TEAD4: variants seen among roughly 807,000 people sequenced by gnomAD.
TEAD4 encodes the protein transcriptional enhancer factor TEF-3.
A neutral mutation model predicts 52.4 loss-of-function variants in TEAD4; 36 were observed. That is an observed-to-expected ratio of 0.69 (90% CI 0.53 to 0.91). TEAD4 has a LOEUF of 0.91. TEAD4 is among the 40% of genes least tolerant of loss of function. The pLI, the probability that TEAD4 is intolerant of heterozygous loss-of-function variation, is 0.00. For synonymous variants in TEAD4, 220 were observed against 231.0 expected (o/e 0.95, Z 0.43); for missense variants, 508 against 583.9 (o/e 0.87, Z 1.34).
At chr12:3,010,947 C>T in intron 3 of TEAD4, 57 bp from the exon 4 acceptor site, 1 of 1,602,188 alleles carries the variant, frequency 6.2e-7, no homozygotes, top group South Asian at 1.1e-5. Flanking sequence ...CGCACCCCCT[C>T]ACTGCTTCCA....
At chr12:2,998,988 C>A (rs2098249481) in intron 3 of TEAD4, among the ~76,000 whole-genome samples, 1 of 152,184 alleles carries the variant, frequency 6.6e-6, no homozygotes, top group Non-Finnish European at 1.5e-5. Flanking sequence ...CTTACCAGTC[C>A]CGGGGGCCGA....
chr12:3,031,549 AAGC>A (rs941389315), intron 10 of TEAD4, among the ~76,000 whole-genome samples: 3 of 152,136 alleles, frequency 2.0e-5, no homozygotes, highest in Non-Finnish European at 4.4e-5. Context: ...GGCATGGAGT[AAGC>A]AGGGCCTGGC....
chr12:2,990,805 T>C (rs921823743), intron 2 of TEAD4, among the ~76,000 whole-genome samples: 7 of 152,140 alleles, frequency 4.6e-5, no homozygotes, highest in Admixed American at 4.6e-4. Context: ...CTGTCATATT[T>C]TGTCAGTGTT....
intron 2 of TEAD4, among the ~76,000 whole-genome samples, chr12:2,991,846 T>TA (rs892334344): frequency 6.6e-6 from 1 of 151,874 alleles, no homozygotes; most frequent in African/African-American, 2.4e-5. Context: ...CTTGTTACAC[T>TA]AAAAAGGCCA....
chr12:3,021,883 C>G lies in TEAD4; in HGVS notation c.763C>G (p.Pro255Ala). 6.2e-7 allele frequency: 1 copy of G among 1,614,242 alleles called. No homozygotes were observed. Among genetic ancestry groups the G allele is most frequent in the Non-Finnish European group, 8.5e-7 (1 of 1,180,044 alleles). The change falls in exon 10 of 13, where the codon CCA becomes GCA. Residue 255 changes from proline to alanine, a missense_variant. Coordinates refer to ENST00000359864, the MANE Select transcript of TEAD4 (RefSeq NM_003213.4). The stretch of plus-strand genomic sequence containing the variant: ...GTTCGTGCACATTGGCCAGTCCAGC[C>G]CAAGCTACAGCGACCCCTACCTCGA...
intron 2 of TEAD4, among the ~76,000 whole-genome samples, chr12:2,966,613 A>G (rs918827390): frequency 2.6e-5 from 4 of 151,588 alleles, no homozygotes; most frequent in African/African-American, 4.9e-5. Flanking sequence ...GGGTTTCACC[A>G]TATTGGTCAG....
At chr12:2,983,666 A>G (rs938552372) in intron 2 of TEAD4, among the ~76,000 whole-genome samples, 3 of 152,318 alleles carry the variant, frequency 2.0e-5, no homozygotes. Flanking sequence ...ATTTATGCAC[A>G]ATTCAAGCTC....
intron 2 of TEAD4, among the ~76,000 whole-genome samples, chr12:2,971,052 ACAGCAGCCACAG>A (rs1427830512): frequency 6.6e-6 from 1 of 152,184 alleles, no homozygotes; most frequent in African/African-American, 2.4e-5. Flanking sequence ...CACCCAATCC[ACAGCAGCCACAG>A]CACCCACGGT....
chr12:3,013,983 A>G (rs2098262438), intron 5 of TEAD4, among the ~76,000 whole-genome samples: 1 of 152,222 alleles, frequency 6.6e-6, no homozygotes, highest in Non-Finnish European at 1.5e-5. Flanking sequence ...TCTCAGAACG[A>G]GTGGGTGGGA....
At chr12:3,026,227 C>T (rs946051267) in intron 10 of TEAD4, among the ~76,000 whole-genome samples, 4 of 152,158 alleles carry the variant, frequency 2.6e-5, no homozygotes, top group Non-Finnish European at 4.4e-5. Context: ...TTATCCTCTA[C>T]GATTTTTACC....
intron 5 of TEAD4, 85 bp downstream of exon 5, chr12:3,012,317 C>A: frequency 7.0e-7 from 1 of 1,429,134 alleles, no homozygotes; most frequent in Non-Finnish European, 9.7e-7. Flanking sequence ...GGCATCACTG[C>A]TGGTGTGCAA....
intron 3 of TEAD4, among the ~76,000 whole-genome samples, chr12:3,000,332 G>GT (rs2098250652): frequency 6.6e-6 from 1 of 152,310 alleles, no homozygotes; most frequent in East Asian, 1.9e-4. Flanking sequence ...ATTCCTTACA[G>GT]TTACAGAGGC....
intron 10 of TEAD4, among the ~76,000 whole-genome samples, chr12:3,030,312 C>T (rs1033748701): frequency 3.3e-5 from 5 of 152,148 alleles, no homozygotes; most frequent in East Asian, 3.8e-4. Flanking sequence ...AATGGGATTA[C>T]GGGCAGGAGC....
intron 2 of TEAD4, among the ~76,000 whole-genome samples, chr12:2,978,376 G>GTTTTTTTTTTGTCTTT (rs2098231449): frequency 6.8e-6 from 1 of 148,022 alleles, no homozygotes; most frequent in Non-Finnish European, 1.5e-5. Context: ...GTAAGTGCCT[G>GTTTTTTTTTTGTCTTT]TTTTTTTTTT....
chr12:3,034,892 G>A (rs997928362), intron 10 of TEAD4, among the ~76,000 whole-genome samples: 15 of 151,978 alleles, frequency 9.9e-5, no homozygotes, highest in Non-Finnish European at 1.8e-4. Context: ...CCAGGAGTTC[G>A]TGACCAGCCT....
chr12:3,011,112 A>C lies in TEAD4; in HGVS notation c.291+44A>C, dbSNP rs764795768. 2.2e-5 allele frequency: 36 copies of C among 1,606,248 alleles called. 1 individual carries two copies. In the South Asian group the frequency reaches 3.9e-4, roughly 17 times the overall value. On this transcript the variant is annotated intron_variant, in intron 4 of 12. Coordinates refer to ENST00000359864, the MANE Select transcript of TEAD4 (RefSeq NM_003213.4). ...GTAGGGGTCCCGGGGGTGGTACCCC[A>C]GCACCAGTCTGCTCCCAAGGTGGGC...
intron 2 of TEAD4, among the ~76,000 whole-genome samples, chr12:2,962,755 T>C (rs2153951980): frequency 6.6e-6 from 1 of 152,270 alleles, no homozygotes; most frequent in South Asian, 2.1e-4. Context: ...CGTGAGCCAC[T>C]GCGCCTGGCC....
chr12:3,038,960 C>G (rs1252100461), intron 11 of TEAD4, among the ~76,000 whole-genome samples: 1 of 152,202 alleles, frequency 6.6e-6, no homozygotes. Context: ...CTTGTTAAAC[C>G]TCCTCACCGT....
At chr12:2,968,066 A>G (rs2098221838) in intron 2 of TEAD4, among the ~76,000 whole-genome samples, 1 of 143,918 alleles carries the variant, frequency 6.9e-6, no homozygotes. Context: ...CAGTGATCTG[A>G]TCTCAAACAT....
Sources: gnomAD v4.1 joint callset for allele counts (sites outside exome capture counted in the v4.1 genomes callset) on GRCh38, gnomAD v4.1.1 for gene constraint, MANE v1.5 for transcripts, NCBI Gene and HGNC (gene_info 2026-07-23, HGNC 2026-07-21) for gene names.